Variants in TCF7L2 observed in about 807,000 individuals in gnomAD.
TCF7L2 encodes transcription factor 7-like 2.
Under a neutral mutation model 77.9 loss-of-function variants are expected in TCF7L2, and 23 were observed. The observed-to-expected ratio is 0.30, with a 90% CI of 0.21 to 0.42. TCF7L2 has a LOEUF of 0.42. Among genes scored for constraint, TCF7L2 ranks in the 10% least tolerant of loss-of-function variants. TCF7L2 has a pLI of 1.00. For synonymous variants in TCF7L2, 413 were observed against 340.2 expected, an observed-to-expected ratio of 1.21 and a Z score of -2.36; for missense variants, 654 against 793.1, an observed-to-expected ratio of 0.82 and a Z score of 2.11.
chr10:113,067,348 T>C (rs2057389849), intron 5 of TCF7L2, among the ~76,000 whole-genome samples: 1 of 152,230 alleles, frequency 6.6e-6, no homozygotes, highest in African/African-American at 2.4e-5. Context: ...CCAAAGTCAA[T>C]TTTCAAATGC....
chr10:113,035,331 C>G lies in TCF7L2; in HGVS notation c.451-4694C>G, dbSNP rs142154141. Among the ~76,000 whole-genome samples, 1,038 of 152,368 alleles carry G rather than the reference C, an allele frequency of 6.8e-3. 13 individuals are homozygous for G. Among genetic ancestry groups the G allele is most frequent in the African/African-American group, 0.024 (987 of 41,576 alleles). The stretch of plus-strand genomic sequence containing the variant: ...GGAAGGCACCCTCGCCCATCTGACA[C>G]AGGCAGGCCTCTACAATTTTATTCC... On this transcript the variant is annotated intron_variant, in intron 4 of 13. Transcript: ENST00000627217.
chr10:112,981,881 C>T (rs766751656), intron 4 of TCF7L2, among the ~76,000 whole-genome samples: 7 of 152,158 alleles, frequency 4.6e-5, no homozygotes, highest in African/African-American at 7.2e-5. Flanking sequence ...GACTCCTGGT[C>T]GGTGGAAGTC....
chr10:113,100,864 T>G (rs1232793345), intron 5 of TCF7L2, among the ~76,000 whole-genome samples: 1 of 151,936 alleles, frequency 6.6e-6, no homozygotes, highest in African/African-American at 2.4e-5. Context: ...TCACCTGAGG[T>G]CGGGAGTTCG....
intron 8 of TCF7L2, among the ~76,000 whole-genome samples, chr10:113,150,099 A>AAATG (rs2070413794): frequency 6.6e-6 from 1 of 152,240 alleles, no homozygotes; most frequent in African/African-American, 2.4e-5. Context: ...TTCAGGTCCT[A>AAATG]AAATGTGCCT....
chr10:113,140,410 T>G (rs2068142459), intron 5 of TCF7L2, among the ~76,000 whole-genome samples: 1 of 152,202 alleles, frequency 6.6e-6, no homozygotes, highest in South Asian at 2.1e-4. Flanking sequence ...TGTACTTTGT[T>G]TTTTAGAACT....
In TCF7L2 at chr10:112,950,588, T is replaced by C; in HGVS notation, c.-169T>C. 1.7e-6 allele frequency: 1 copy of C among 593,352 alleles called. No individual in the cohort carries two copies. The highest frequency in any genetic ancestry group is 2.8e-6 in the Non-Finnish European group (1 of 360,464). 36.8% of individuals were successfully genotyped at this position (593,352 alleles called of 1,614,324 possible). ...CCCTTCCCCTCCCCTCCTCCCTCTT[T>C]TCCCCTCCCCAGGAGAAAAAGACCC... On this transcript the variant is annotated 5_prime_UTR_variant, in exon 1 of 14. Coordinates refer to ENST00000627217, the MANE Select transcript of TCF7L2 (RefSeq NM_001146274.2).
intron 3 of TCF7L2, among the ~76,000 whole-genome samples, chr10:112,963,710 G>T (rs1312273255): frequency 6.6e-6 from 1 of 152,220 alleles, no homozygotes; most frequent in East Asian, 1.9e-4. Flanking sequence ...GGGAAGATGA[G>T]AATTGGGTGA....
At chr10:113,044,059 G>A (rs2052975886) in intron 5 of TCF7L2, among the ~76,000 whole-genome samples, 1 of 152,268 alleles carries the variant, frequency 6.6e-6, no homozygotes, top group East Asian at 1.9e-4. Flanking sequence ...TTTTGAAGTC[G>A]ATGTAGAATT....
At position 113,146,061 on chromosome 10, in the gene TCF7L2, A is replaced by G; in HGVS notation, c.839A>G (p.Tyr280Cys). 6.2e-7 allele frequency: 1 copy of G among 1,609,458 alleles called. No individual in the cohort carries two copies. Among genetic ancestry groups the G allele is most frequent in the South Asian group, 1.1e-5 (1 of 90,944 alleles). Residue 280 changes from tyrosine (Y) to cysteine (C), a missense_variant, in exon 8 of 14, where the codon TAC becomes TGC. Tyr to Cys is a radical substitution (Grantham distance 194, BLOSUM62 -2). This residue lies in a region of TCF7L2 where 179 missense variants were observed against 270.6 expected (regional missense o/e 0.66). Coordinates refer to ENST00000627217, the MANE Select transcript of TCF7L2 (RefSeq NM_001146274.2). ...ACGACAGGAGGATTCAGACACCCCTACCCCACAGCTCTGACCGTCAATGCT... is the reference window on the plus strand; with the variant it reads ...ACGACAGGAGGATTCAGACACCCCTGCCCCACAGCTCTGACCGTCAATGCT...
intron 5 of TCF7L2, among the ~76,000 whole-genome samples, chr10:113,132,539 G>A (rs1454936704): frequency 1.3e-5 from 2 of 152,064 alleles, no homozygotes; most frequent in African/African-American, 2.4e-5. Flanking sequence ...GTTGTATTTG[G>A]TGGCGAGGGG....
At chr10:113,107,416 T>C (rs2062474444) in intron 5 of TCF7L2, among the ~76,000 whole-genome samples, 1 of 152,094 alleles carries the variant, frequency 6.6e-6, no homozygotes, top group Admixed American at 6.5e-5. Flanking sequence ...TGTTGACTGA[T>C]ACCCAAGCCT....
chr10:113,148,731 G>C (rs2070057487), intron 8 of TCF7L2, among the ~76,000 whole-genome samples: 1 of 152,214 alleles, frequency 6.6e-6, no homozygotes, highest in Non-Finnish European at 1.5e-5. Context: ...TGAAATAGTA[G>C]TCTGCAGAAA....
chr10:113,031,132 G>T (rs146120397), intron 4 of TCF7L2, among the ~76,000 whole-genome samples: 1 of 152,208 alleles, frequency 6.6e-6, no homozygotes, highest in South Asian at 2.1e-4. Context: ...CCTCATAACT[G>T]TGTATAACTA....
intron 5 of TCF7L2, among the ~76,000 whole-genome samples, chr10:113,116,300 T>G (rs1463009451): frequency 6.6e-6 from 1 of 152,260 alleles, no homozygotes; most frequent in Non-Finnish European, 1.5e-5. Flanking sequence ...TATTGTGGTG[T>G]TATTGCATAC....
At chr10:113,117,393 CT>C (rs2063889927) in intron 5 of TCF7L2, among the ~76,000 whole-genome samples, 1 of 21,624 alleles carries the variant, frequency 4.6e-5, no homozygotes, top group Non-Finnish European at 1.0e-4. Flanking sequence ...CTCTCTCTCT[CT>C]CTCTCTCTCT....
At chr10:112,969,937 A>G (rs114401157) in intron 4 of TCF7L2, among the ~76,000 whole-genome samples, 3,305 of 152,326 alleles carry the variant, frequency 0.022, 122 homozygotes, top group African/African-American at 0.075. Context: ...GCATTATTCC[A>G]AACCTATGAG....
chr10:112,975,729 G>A (rs1198349864), intron 4 of TCF7L2, among the ~76,000 whole-genome samples: 1 of 152,154 alleles, frequency 6.6e-6, no homozygotes, highest in Admixed American at 6.5e-5. Flanking sequence ...TGATCCGCCC[G>A]TCTCGGCCTC....
chr10:113,066,429 C>G (rs566214074), intron 5 of TCF7L2, among the ~76,000 whole-genome samples: 1 of 152,146 alleles, frequency 6.6e-6, no homozygotes, highest in South Asian at 2.1e-4. Flanking sequence ...AAGAGCACGG[C>G]TCTCTTAACT....
At chr10:112,960,691 G>GTTT (rs11440022) in intron 3 of TCF7L2, among the ~76,000 whole-genome samples, 2 of 144,758 alleles carry the variant, frequency 1.4e-5, no homozygotes, top group African/African-American at 2.5e-5. Context: ...ATGGGAACCT[G>GTTT]TTTTTTTTTT....
Sources: gnomAD v4.1 joint callset for allele counts (sites outside exome capture counted in the v4.1 genomes callset) on GRCh38, gnomAD v4.1.1 for gene constraint, gnomAD v4.1.1 regional missense constraint, MANE v1.5 for transcripts, NCBI Gene and HGNC (gene_info 2026-07-23, HGNC 2026-07-21) for gene names.